Variants in ZIM2 observed in about 807,000 individuals in gnomAD.
The protein encoded by ZIM2 is zinc finger protein 656.
ZIM2 carries 14 observed loss-of-function variants against 38.6 expected under a neutral mutation model. The ratio of observed to expected loss-of-function variants is 0.36; its 90% confidence interval spans 0.24 to 0.57. The LOEUF is 0.57. ZIM2 is among the 20% of genes least tolerant of loss of function. The probability of loss-of-function intolerance (pLI) is 0.81; values close to 1 mark genes in which losing one functional copy is unlikely to be tolerated. For synonymous variants in ZIM2, 247 were observed against 245.8 expected (o/e 1.00, Z -0.04); for missense variants, 680 against 695.1 (o/e 0.98, Z 0.24).
chr19:56,823,791 C>G, intron 4 of ZIM2, 112 bp from the exon 5 acceptor site: 1 of 1,251,786 alleles, frequency 8.0e-7, no homozygotes. Flanking sequence ...TTGGAATGAC[C>G]TGATCCTGAC....
rs8112407 is a variant in ZIM2 at position 56,775,049 on chromosome 19, T to C, written c.1316A>G (p.Gln439Arg). ...CTGAAAACATTCAAAGTAGTCCTCC[T>C]GACTGTGAATTCTTACACGTTCACA... Reference protein sequence around the residue: ...NLCERVRIHSQEDYFECFQCG... With the variant: ...NLCERVRIHSREDYFECFQCG... The change falls in exon 13 of 13, where the codon CAG (glutamine) becomes CGG (arginine). Residue 439 changes from glutamine (Q) to arginine (R), a missense_variant. By Grantham distance (43) the Gln-to-Arg change is conservative. Coordinates refer to ENST00000629319, the MANE Select transcript of ZIM2 (RefSeq NM_001387356.1). 5,059 of 1,614,180 alleles carry C rather than the reference T, an allele frequency of 3.1e-3. 154 individuals carry two copies. In the African/African-American group the frequency reaches 0.059, roughly 19 times the overall value.
chr19:56,779,615 A>G, intron 11 of ZIM2, 143 bp from the exon 12 acceptor site: 1 of 707,562 alleles, frequency 1.4e-6, no homozygotes, highest in Non-Finnish European at 2.3e-6. Context: ...TTTACCCCCT[A>G]AGGGACATCT....
rs1441959251 is a variant in ZIM2, at chr19:56,839,486, A to C, written c.-314+1096T>G. On this transcript the variant is annotated intron_variant, in intron 1 of 12. Coordinates refer to ENST00000629319, the MANE Select transcript of ZIM2 (RefSeq NM_001387356.1). ...TCACTTCAGCCTTGCCCCGCCCCATATGCCACCAACCAACCAGGGGAGCAC... is the reference window on the plus strand; with the variant it reads ...TCACTTCAGCCTTGCCCCGCCCCATCTGCCACCAACCAACCAGGGGAGCAC... Among the ~76,000 whole-genome samples, 267 of 96,826 alleles carry C rather than the reference A, an allele frequency of 2.8e-3. No individual in the cohort carries two copies. The Middle Eastern group carries it at 0.034, about 13-fold the overall frequency. The allele number at this position is 96,826 out of a possible 152,430, so 63.5% of individuals were successfully genotyped here.
intron 9 of ZIM2, among the ~76,000 whole-genome samples, chr19:56,809,418 T>A (rs1349792872): frequency 6.6e-6 from 1 of 152,220 alleles, no homozygotes; most frequent in Non-Finnish European, 1.5e-5. Flanking sequence ...ACTTATGGAA[T>A]CAGGGACACA....
At chr19:56,784,439 A>G (rs2046490175) in intron 10 of ZIM2, among the ~76,000 whole-genome samples, 1 of 152,224 alleles carries the variant, frequency 6.6e-6, no homozygotes, top group Non-Finnish European at 1.5e-5. Flanking sequence ...GTTGTAGAAA[A>G]GGTATCTATT....
chr19:56,838,706 C>T (rs1267114344), intron 1 of ZIM2, among the ~76,000 whole-genome samples: 1 of 152,214 alleles, frequency 6.6e-6, no homozygotes, highest in African/African-American at 2.4e-5. Context: ...TCTTTAGGCA[C>T]GTCTCCCGGC....
intron 9 of ZIM2, among the ~76,000 whole-genome samples, chr19:56,797,606 G>A (rs1047345061): frequency 1.3e-4 from 20 of 152,142 alleles, no homozygotes; most frequent in African/African-American, 2.4e-4. Flanking sequence ...ATTTCTCCCC[G>A]TCTTAAAAGT....
rs765581136 is a variant in ZIM2 at position 56,824,437 on chromosome 19, A to G, written c.-150-10T>C. On this transcript the variant is annotated splice_polypyrimidine_tract_variant and intron_variant, in intron 3 of 12. Coordinates refer to ENST00000629319, the MANE Select transcript of ZIM2 (RefSeq NM_001387356.1). ...TGGTGCGGGTCTCCGGCTGCAACCA[A>G]TCGAGGCAGAGGTTTCGGAGTTTGA... 3.1e-6 allele frequency: 5 copies of G among 1,613,998 alleles called. No individual in the cohort carries two copies. The highest frequency in any genetic ancestry group is 4.5e-5 in the East Asian group (2 of 44,876).
At chr19:56,817,719 C>T in intron 9 of ZIM2, 27 bp downstream of exon 9, 1 of 1,598,946 alleles carries the variant, frequency 6.3e-7, no homozygotes, top group Non-Finnish European at 8.6e-7. Flanking sequence ...TTGTGTGGCT[C>T]CTCTGTGGGA....
chr19:56,802,282 A>T (rs1445433623), intron 9 of ZIM2, among the ~76,000 whole-genome samples: 1 of 152,156 alleles, frequency 6.6e-6, no homozygotes, highest in Non-Finnish European at 1.5e-5. Flanking sequence ...CTTGGTTTTG[A>T]ATACCCTCAA....
At chr19:56,811,517 C>T in intron 9 of ZIM2, 1 of 985,136 alleles carries the variant, frequency 1.0e-6, no homozygotes, top group Non-Finnish European at 1.2e-6. Flanking sequence ...CTCTTGTTTA[C>T]CATTTGTTAC....
chr19:56,802,251 G>A (rs887861234), intron 9 of ZIM2, among the ~76,000 whole-genome samples: 10 of 152,180 alleles, frequency 6.6e-5, no homozygotes, highest in Admixed American at 3.3e-4. Flanking sequence ...TGACTTCTTG[G>A]TCAACACAGG....
intron 9 of ZIM2, chr19:56,817,141 A>G: frequency 1.2e-6 from 2 of 1,614,142 alleles, no homozygotes; most frequent in African/African-American, 1.3e-5. Flanking sequence ...GGGGGAGCTG[A>G]GGCTGCTCAG....
chr19:56,839,820 T>G (rs2146773268), intron 1 of ZIM2, among the ~76,000 whole-genome samples: 1 of 150,552 alleles, frequency 6.6e-6, no homozygotes, highest in Middle Eastern at 3.7e-3. Context: ...TGGCACCCAG[T>G]GGGTGGGGCT....
At position 56,790,164 on chromosome 19, in the gene ZIM2, A is replaced by G. The variant is rs116648804; in HGVS notation, c.491-213T>C. ...TTATTTCCCAGCTCTAAATGCTTCA[A>G]TGGCTCCCACTGCCTTCCAAATAAA... On this transcript the variant is annotated intron_variant, in intron 9 of 12. Coordinates refer to ENST00000629319, the MANE Select transcript of ZIM2 (RefSeq NM_001387356.1). 3.4e-3 allele frequency: 1,384 copies of G among 402,154 alleles called. 12 individuals carry two copies. Among genetic ancestry groups the G allele is most frequent in the African/African-American group, 0.026 (1,262 of 49,186 alleles). The allele number at this position is 402,154 out of a possible 1,614,324, so 24.9% of individuals were successfully genotyped here.
chr19:56,809,656 T>A (rs1017808435), intron 9 of ZIM2, among the ~76,000 whole-genome samples: 3 of 152,224 alleles, frequency 2.0e-5, no homozygotes, highest in Non-Finnish European at 4.4e-5. Context: ...CCACTCAGGA[T>A]AATTACCTTT....
At chr19:56,777,871 T>C (rs1352278832) in intron 12 of ZIM2, among the ~76,000 whole-genome samples, 1 of 152,190 alleles carries the variant, frequency 6.6e-6, no homozygotes, top group Non-Finnish European at 1.5e-5. Context: ...CCCTTGACTA[T>C]CTCTGTGATC....
intron 2 of ZIM2, among the ~76,000 whole-genome samples, chr19:56,834,593 C>T (rs546027660): frequency 4.6e-5 from 7 of 152,310 alleles, no homozygotes; most frequent in African/African-American, 9.6e-5. Flanking sequence ...CATGTCAGTA[C>T]GGTTTTAAGT....
At chr19:56,779,765 G>T (rs539173084) in intron 11 of ZIM2, among the ~76,000 whole-genome samples, 1 of 152,126 alleles carries the variant, frequency 6.6e-6, no homozygotes, top group Non-Finnish European at 1.5e-5. Flanking sequence ...CTGGTTCCAT[G>T]TCAAGAGTGC....
Sources: gnomAD v4.1 joint callset for allele counts (sites outside exome capture counted in the v4.1 genomes callset) on GRCh38, gnomAD v4.1.1 for gene constraint, MANE v1.5 for transcripts, NCBI Gene and HGNC (gene_info 2026-07-23, HGNC 2026-07-21) for gene names.